Variants in BIRC6 observed in about 807,000 individuals in gnomAD.
BIRC6 encodes dual E2 ubiquitin-conjugating enzyme/E3 ubiquitin-protein ligase BIRC6.
BIRC6 carries 98 observed loss-of-function variants against 503.3 expected under a neutral mutation model. The ratio of observed to expected loss-of-function variants is 0.19; its 90% CI spans 0.17 to 0.23. BIRC6 has a LOEUF of 0.23. BIRC6 is among the 10% of genes least tolerant of loss of function. The pLI, the probability that BIRC6 is intolerant of heterozygous loss-of-function variation, is 1.00. For missense variants in BIRC6, 5,360 were observed against 5,806.0 expected (o/e 0.92, Z 2.50); for synonymous variants, 2,240 against 2,078.7 (o/e 1.08, Z -2.11).
chr2:32,612,729 G>T (rs1176369241), intron 73 of BIRC6, among the ~76,000 whole-genome samples: 2 of 152,170 alleles, frequency 1.3e-5, no homozygotes, highest in Non-Finnish European at 2.9e-5. Context: ...AGTTGATAAT[G>T]GTTGAAGCTG....
chr2:32,560,927 C>A (rs896880583), intron 65 of BIRC6, among the ~76,000 whole-genome samples: 1 of 151,612 alleles, frequency 6.6e-6, no homozygotes, highest in Non-Finnish European at 1.5e-5. Flanking sequence ...AGGCCGGGGG[C>A]GGTGGCTCAC....
At chr2:32,431,549 G>A (rs17548357) in intron 12 of BIRC6, among the ~76,000 whole-genome samples, 3,562 of 152,192 alleles carry the variant, frequency 0.023, 48 homozygotes, top group South Asian at 0.057. Context: ...TAGGAATTCT[G>A]TGTTGTCTCT....
chr2:32,421,344 A>C (rs1457808592), intron 10 of BIRC6, among the ~76,000 whole-genome samples: 1 of 151,966 alleles, frequency 6.6e-6, no homozygotes, highest in Non-Finnish European at 1.5e-5. Context: ...TGACCTCGTG[A>C]TCTGCCCGCC....
At chr2:32,541,928 A>T (rs1327533735) in intron 61 of BIRC6, among the ~76,000 whole-genome samples, 1 of 151,992 alleles carries the variant, frequency 6.6e-6, no homozygotes, top group African/African-American at 2.4e-5. Context: ...CTGTCCTTCT[A>T]ATGTTCTTTA....
At chr2:32,363,412 C>G (rs1478270334) in intron 1 of BIRC6, among the ~76,000 whole-genome samples, 1 of 151,950 alleles carries the variant, frequency 6.6e-6, no homozygotes, top group East Asian at 1.9e-4. Flanking sequence ...TTAAACTGAA[C>G]TTTGAACTTC....
chr2:32,589,609 A>G (rs1210263553), intron 66 of BIRC6, among the ~76,000 whole-genome samples: 1 of 152,182 alleles, frequency 6.6e-6, no homozygotes, highest in Non-Finnish European at 1.5e-5. Flanking sequence ...TGTTATACCC[A>G]TATATTTCTT....
chr2:32,407,319 A>G (rs933564258), intron 9 of BIRC6, among the ~76,000 whole-genome samples: 2 of 151,920 alleles, frequency 1.3e-5, no homozygotes, highest in Non-Finnish European at 2.9e-5. Flanking sequence ...GTGGTGGCGC[A>G]TGCCTATCCC....
intron 45 of BIRC6, among the ~76,000 whole-genome samples, chr2:32,498,163 G>A (rs1410442523): frequency 6.6e-6 from 1 of 152,148 alleles, no homozygotes; most frequent in South Asian, 2.1e-4. Flanking sequence ...CTGGGTTCAC[G>A]TGATTTTCGT....
intron 17 of BIRC6, 58 bp downstream of exon 17, chr2:32,441,520 C>CA: frequency 1.4e-6 from 2 of 1,473,708 alleles, no homozygotes; most frequent in Admixed American, 2.0e-5. Flanking sequence ...GAGCATAACA[C>CA]CACACACATA....
intron 65 of BIRC6, among the ~76,000 whole-genome samples, chr2:32,560,604 C>G (rs1349935367): frequency 6.6e-6 from 1 of 152,070 alleles, no homozygotes; most frequent in Non-Finnish European, 1.5e-5. Context: ...CTTCTTCAGT[C>G]ATAGTCTTCT....
chr2:32,432,762 A>G (rs953697745), intron 12 of BIRC6, among the ~76,000 whole-genome samples: 31 of 117,022 alleles, frequency 2.6e-4, no homozygotes, highest in Admixed American at 1.4e-3. Flanking sequence ...CCCATTTCGG[A>G]AAAAAAAAAA....
Position 32,607,447 on chromosome 2 carries a change from T to C in BIRC6, c.14071-8T>C, listed in dbSNP as rs1293707128. On this transcript the variant is annotated splice_polypyrimidine_tract_variant and splice_region_variant and intron_variant, in intron 71 of 73. Transcript: ENST00000421745. ...CCATCATAGCTGTTCTTTTCCTTTATTCTTTAGGTGTTGGTGTCTGTCCAG... is the reference window on the plus strand; with the variant it reads ...CCATCATAGCTGTTCTTTTCCTTTACTCTTTAGGTGTTGGTGTCTGTCCAG... 6.7e-7 allele frequency: 1 copy of C among 1,496,526 alleles called. No homozygotes were observed. Among genetic ancestry groups the C allele is most frequent in the Admixed American group, 2.1e-5 (1 of 47,614 alleles). The allele number at this position is 1,496,526 out of a possible 1,614,324, so 92.7% of individuals were successfully genotyped here. A position where few individuals can be genotyped will look rare whatever the true frequency, so the allele number is the denominator to read the frequency against.
chr2:32,525,591 T>C lies in BIRC6; in HGVS notation c.11883T>C (p.Thr3961=). 2 of 1,613,874 alleles carry C rather than the reference T, an allele frequency of 1.2e-6. No homozygotes were observed. The highest frequency in any genetic ancestry group is 2.2e-5 in the East Asian group (1 of 44,870). The change falls in exon 59 of 74, where the codon ACT becomes ACC. Residue 3961 remains threonine (T), a synonymous_variant. Coordinates refer to ENST00000421745, the MANE Select transcript of BIRC6 (RefSeq NM_016252.4). ...SGAEAANKII[T]VPVFHLFHKL... is the part of the protein sequence containing the mutation. ...CAGAGGCTGCCAACAAAATAATTACTGTCCCAGTGTTTCACCTGTTTCACA... is the reference window on the plus strand; with the variant it reads ...CAGAGGCTGCCAACAAAATAATTACCGTCCCAGTGTTTCACCTGTTTCACA...
chr2:32,433,109 T>A (rs990707676), intron 12 of BIRC6, among the ~76,000 whole-genome samples: 2 of 152,180 alleles, frequency 1.3e-5, no homozygotes, highest in African/African-American at 4.8e-5. Flanking sequence ...GGTTTTGGCC[T>A]GAGTTCACTG....
chr2:32,388,040 C>A (rs1001831294), intron 3 of BIRC6, among the ~76,000 whole-genome samples: 1 of 151,896 alleles, frequency 6.6e-6, no homozygotes, highest in Admixed American at 6.6e-5. Context: ...ACCTACTTAC[C>A]ATTTCTTTGT....
chr2:32,416,595 T>C (rs957658179), intron 10 of BIRC6, among the ~76,000 whole-genome samples: 1 of 152,134 alleles, frequency 6.6e-6, no homozygotes, highest in African/African-American at 2.4e-5. Flanking sequence ...TTGGTCCTTA[T>C]TTCCTTCTGA....
chr2:32,485,931 A>T (rs1219596141), intron 40 of BIRC6, among the ~76,000 whole-genome samples, 172 bp downstream of exon 40: 2 of 152,208 alleles, frequency 1.3e-5, no homozygotes, highest in African/African-American at 4.8e-5. Context: ...ACTAAGACAA[A>T]GGATTAACAA....
At chr2:32,532,137 G>GTGTGTGTGTGTGTGTGTC (rs1232979699) in intron 61 of BIRC6, 1 of 512,840 alleles carries the variant, frequency 1.9e-6, no homozygotes, top group African/African-American at 2.3e-5. Context: ...TTCATGTCGT[G>GTGTGTGTGTGTGTGTGTC]TGTGTGTGTG....
chr2:32,476,157 T>G (rs557467633), intron 33 of BIRC6, 56 bp from the exon 34 acceptor site: 9 of 1,361,788 alleles, frequency 6.6e-6, no homozygotes, highest in Non-Finnish European at 3.0e-6. Context: ...AGGAGTATAA[T>G]AATTTTTTTG....
Sources: allele counts gnomAD v4.1 joint callset (sites outside exome capture counted in the v4.1 genomes callset), GRCh38; gene constraint gnomAD v4.1.1; transcripts MANE v1.5; gene names NCBI Gene and HGNC (gene_info 2026-07-23, HGNC 2026-07-21).